C8orf34: variants seen among roughly 807,000 people sequenced by gnomAD.
C8orf34 encodes uncharacterized protein C8orf34.
C8orf34 carries 65 observed loss-of-function variants against 68.3 expected under a neutral mutation model. That is an observed-to-expected ratio of 0.95 (90% CI 0.78 to 1.17). C8orf34 has a LOEUF of 1.17. Among genes scored for constraint, C8orf34 ranks in the 50% most tolerant of loss-of-function variants. C8orf34 has a pLI of 0.00. For synonymous variants in C8orf34, 244 were observed against 241.2 expected (o/e 1.01, Z -0.11); for missense variants, 664 against 655.4 (o/e 1.01, Z -0.14).
intron 8 of C8orf34, among the ~76,000 whole-genome samples, chr8:68,703,424 A>G (rs1821075428): frequency 6.6e-6 from 1 of 152,092 alleles, no homozygotes; most frequent in African/African-American, 2.4e-5. Context: ...TCCCACTTCA[A>G]ATACTCTCTG....
chr8:68,541,009 G>A (rs187922809), intron 7 of C8orf34, among the ~76,000 whole-genome samples: 1 of 152,132 alleles, frequency 6.6e-6, no homozygotes, highest in Admixed American at 6.5e-5. Context: ...TTGAAGCTTC[G>A]CCACCGACCC....
In C8orf34 at chr8:68,330,968, C is replaced by G; in HGVS notation, c.-45C>G. On this transcript the variant is annotated 5_prime_UTR_variant, in exon 1 of 14. Coordinates refer to ENST00000518698, the MANE Select transcript of C8orf34 (RefSeq NM_052958.4). The stretch of plus-strand genomic sequence containing the variant: ...TCGAATTTCCCCACTGCGCCGGGCG[C>G]TGCGGAGAGCGGCGAGGGTGGGCGC... 5 of 1,333,030 alleles carry G rather than the reference C, an allele frequency of 3.8e-6. No homozygotes were observed. Among genetic ancestry groups the G allele is most frequent in the Non-Finnish European group, 4.8e-6 (5 of 1,035,988 alleles). The allele number at this position is 1,333,030 out of a possible 1,614,324, so 82.6% of individuals were successfully genotyped here.
chr8:68,784,149 C>T (rs901209623), intron 11 of C8orf34, among the ~76,000 whole-genome samples: 1 of 152,092 alleles, frequency 6.6e-6, no homozygotes, highest in Non-Finnish European at 1.5e-5. Flanking sequence ...CATTGTGTCT[C>T]CTTAGGCTTT....
intron 9 of C8orf34, among the ~76,000 whole-genome samples, chr8:68,720,789 T>A (rs1026825466): frequency 6.6e-6 from 1 of 151,944 alleles, no homozygotes; most frequent in African/African-American, 2.4e-5. Flanking sequence ...ATCATTGTTT[T>A]CACATATTTG....
At chr8:68,784,357 G>C (rs1381513566) in intron 11 of C8orf34, among the ~76,000 whole-genome samples, 1 of 152,174 alleles carries the variant, frequency 6.6e-6, no homozygotes, top group Non-Finnish European at 1.5e-5. Flanking sequence ...ATCACATCCT[G>C]TCAAGGGTAC....
chr8:68,727,782 C>A (rs551878884), intron 10 of C8orf34, among the ~76,000 whole-genome samples: 1 of 152,300 alleles, frequency 6.6e-6, no homozygotes, highest in African/African-American at 2.4e-5. Context: ...TCAGCCATGG[C>A]TGGAGCAGGT....
intron 1 of C8orf34, among the ~76,000 whole-genome samples, chr8:68,420,073 G>A (rs1809891055): frequency 6.6e-6 from 1 of 151,630 alleles, no homozygotes; most frequent in Admixed American, 6.6e-5. Context: ...TGACTGGCCT[G>A]AGATCCAGGA....
chr8:68,512,845 T>A (rs998565975), intron 5 of C8orf34, among the ~76,000 whole-genome samples: 21 of 151,224 alleles, frequency 1.4e-4, no homozygotes, highest in East Asian at 5.9e-4. Context: ...TGCATGTAAA[T>A]CTATTTCCAG....
At chr8:68,385,063 A>C (rs1808203959) in intron 1 of C8orf34, among the ~76,000 whole-genome samples, 1 of 152,212 alleles carries the variant, frequency 6.6e-6, no homozygotes, top group African/African-American at 2.4e-5. Context: ...TATCCTTGTG[A>C]ATGTAAACAA....
At chr8:68,436,091 C>T (rs1247037838) in intron 1 of C8orf34, among the ~76,000 whole-genome samples, 2 of 151,986 alleles carry the variant, frequency 1.3e-5, no homozygotes, top group Non-Finnish European at 2.9e-5. Flanking sequence ...ACCTGTAGTC[C>T]CAGGTACTCA....
At chr8:68,392,852 A>T (rs971971927) in intron 1 of C8orf34, among the ~76,000 whole-genome samples, 2 of 152,164 alleles carry the variant, frequency 1.3e-5, no homozygotes, top group Admixed American at 1.3e-4. Context: ...GCTTCAGGTA[A>T]TAAAGGCTAT....
At chr8:68,814,459 A>G (rs1585924217) in intron 12 of C8orf34, among the ~76,000 whole-genome samples, 2 of 152,262 alleles carry the variant, frequency 1.3e-5, no homozygotes, top group East Asian at 3.8e-4. Context: ...CCTTCCATGT[A>G]TAAGATTTCT....
intron 10 of C8orf34, among the ~76,000 whole-genome samples, chr8:68,731,042 G>A (rs571587654): frequency 2.0e-5 from 3 of 152,248 alleles, no homozygotes; most frequent in Admixed American, 6.5e-5. Context: ...TTTGTGTTTC[G>A]AGGTAAAGCC....
intron 1 of C8orf34, among the ~76,000 whole-genome samples, chr8:68,434,537 T>A (rs1586133872): frequency 6.6e-6 from 1 of 152,198 alleles, no homozygotes; most frequent in Non-Finnish European, 1.5e-5. Context: ...TTTCTTTATC[T>A]AGTCTATCAC....
At chr8:68,775,004 C>T (rs1156731141) in intron 10 of C8orf34, among the ~76,000 whole-genome samples, 1 of 136,460 alleles carries the variant, frequency 7.3e-6, no homozygotes, top group African/African-American at 2.8e-5. Flanking sequence ...GTAGTCCCAA[C>T]TACTCGGGGA....
Position 68,692,144 on chromosome 8 carries a change from A to G in C8orf34, c.1242-16850A>G, listed in dbSNP as rs1820703416. ...AGAGGGTAGGATAAGCTGGCAGATG[A>G]TGAGTGGACTGTCCATCTGGAATGG... On this transcript the variant is annotated intron_variant, in intron 8 of 13. Coordinates refer to ENST00000518698, the MANE Select transcript of C8orf34 (RefSeq NM_052958.4). 3.3e-5 allele frequency among the ~76,000 whole-genome samples: 5 copies of G among 152,040 alleles called. No individual in the cohort carries two copies. In the South Asian group the frequency reaches 1.0e-3, roughly 32 times the overall value.
intron 10 of C8orf34, among the ~76,000 whole-genome samples, chr8:68,755,419 A>G (rs1226678680): frequency 3.3e-5 from 5 of 152,226 alleles, no homozygotes; most frequent in Admixed American, 1.3e-4. Context: ...TTATATATGG[A>G]AAATTTATTA....
chr8:68,675,995 A>G (rs1820177534), intron 8 of C8orf34, among the ~76,000 whole-genome samples: 1 of 152,216 alleles, frequency 6.6e-6, no homozygotes, highest in South Asian at 2.1e-4. Flanking sequence ...AAAGATGATT[A>G]TATAATAATG....
intron 8 of C8orf34, among the ~76,000 whole-genome samples, chr8:68,650,263 G>C (rs1819307503): frequency 6.6e-6 from 1 of 152,076 alleles, no homozygotes; most frequent in African/African-American, 2.4e-5. Context: ...GTGAGGATCA[G>C]AGCAGAAGTT....
Sources: allele counts gnomAD v4.1 joint callset (sites outside exome capture counted in the v4.1 genomes callset), GRCh38; gene constraint gnomAD v4.1.1; transcripts MANE v1.5; gene names NCBI Gene and HGNC (gene_info 2026-07-23, HGNC 2026-07-21).